Variants in NSD2 observed in about 807,000 individuals in gnomAD.
NSD2 encodes histone-lysine N-methyltransferase NSD2.
Under a neutral mutation model 139.0 loss-of-function variants are expected in NSD2, and 12 were observed. The ratio of observed to expected loss-of-function variants is 0.09; its 90% CI spans 0.06 to 0.14. The LOEUF (loss-of-function observed/expected upper bound fraction) is 0.14, where lower values mean the gene tolerates loss of function less well. NSD2 is among the 10% of genes least tolerant of loss of function. The pLI is 1.00. For missense variants in NSD2, 1,155 were observed against 1,745.0 expected, an observed-to-expected ratio of 0.66 and a Z score of 6.02; for synonymous variants, 669 against 648.7, an observed-to-expected ratio of 1.03 and a Z score of -0.48.
At chr4:1,931,000 C>T (rs145618296) in intron 6 of NSD2, among the ~76,000 whole-genome samples, 1 of 152,126 alleles carries the variant, frequency 6.6e-6, no homozygotes, top group East Asian at 1.9e-4. Context: ...GCCTGTGGCT[C>T]CCTTGCTCTC....
chr4:1,942,448 A>G lies in NSD2; in HGVS notation c.1881+2670A>G. On this transcript the variant is annotated intron_variant, in intron 9 of 21. Transcript: ENST00000508803. The surrounding 1 kb of genome is among the most constrained non-coding windows in gnomAD (Gnocchi z 4.0). The stretch of plus-strand genomic sequence containing the variant: ...GCTGCTGCAGGTGGCGTATCATCGT[A>G]CACACTCAGTGACATTTCTATCACA... 1 of 1,585,470 alleles carries G rather than the reference A, an allele frequency of 6.3e-7. No homozygotes were observed. Among genetic ancestry groups the G allele is most frequent in the Non-Finnish European group, 8.6e-7 (1 of 1,167,432 alleles).
At chr4:1,917,175 C>T in intron 4 of NSD2, 138 bp downstream of exon 4, 1 of 944,570 alleles carries the variant, frequency 1.1e-6, no homozygotes. Context: ...TTGACTTTTG[C>T]CCAAGGATGC....
At chr4:1,896,520 C>G (rs1449337458) in intron 1 of NSD2, among the ~76,000 whole-genome samples, 4 of 152,250 alleles carry the variant, frequency 2.6e-5, no homozygotes, top group African/African-American at 9.6e-5. Context: ...AGATGTGCGC[C>G]AGTGTGCCTG....
rs1726702894 is a variant in NSD2 at position 1,973,429 on chromosome 4, A to G, written c.3373-1434A>G. Among the ~76,000 whole-genome samples the G allele has an allele frequency of 6.6e-6, 1 of 152,356 alleles. No individual in the cohort carries two copies. Among genetic ancestry groups the G allele is most frequent in the East Asian group, 1.9e-4 (1 of 5,180 alleles). On this transcript the variant is annotated intron_variant, in intron 18 of 21. Transcript: ENST00000508803. This position sits in a 1 kb window ranked among gnomAD's most constrained non-coding sequence, Gnocchi z 5.5. ...CCAGGGCCCTGCAGAAGTGGTGTGC[A>G]TGCCAACGTGCACATCAGCACCGCG...
rs1203166315 is a variant in NSD2, at chr4:1,872,633, A to AGAGAGC, written c.-30+1094_-30+1095insAGCGAG. ...GAGAGAGAGAGAGAGAGAGAGAGAG[A>AGAGAGC]GAGCGCGCAGACCCTGTGAAGACAA... is the stretch of plus-strand genomic sequence containing the variant. On this transcript the variant is annotated intron_variant, in intron 1 of 21. Coordinates refer to ENST00000508803, the MANE Select transcript of NSD2 (RefSeq NM_001042424.3). Among the ~76,000 whole-genome samples the AGAGAGC allele has an allele frequency of 3.1e-5, 4 of 131,116 alleles. No individual in the cohort carries two copies. In the South Asian group the frequency reaches 7.7e-4, roughly 25 times the overall value. 86.0% of individuals were successfully genotyped at this position (131,116 alleles called of 152,430 possible).
chr4:1,933,680 C>T (rs1034388378), intron 6 of NSD2, among the ~76,000 whole-genome samples: 1 of 152,184 alleles, frequency 6.6e-6, no homozygotes, highest in Non-Finnish European at 1.5e-5. Context: ...AGGTGTGAGC[C>T]ACCGCGCCCG....
At chr4:1,906,654 C>CTCT (rs1717941964) in intron 3 of NSD2, among the ~76,000 whole-genome samples, 4 of 99,910 alleles carry the variant, frequency 4.0e-5, no homozygotes, top group South Asian at 3.5e-4. Context: ...CTCTCTCTCT[C>CTCT]TTTTTTTTTT....
chr4:1,976,492 A>T lies in NSD2; in HGVS notation c.3639A>T (p.Ser1213=), dbSNP rs367914017. The part of the protein sequence containing the change: ...GDRPKTSTTL[S]SEEKGKKTKK... ...GACTCTAGACCTCGACGACCCTTTC[A>T]TCAGAGGAAAAGGGCAAAAAGACCA... The change falls in exon 21 of 22, where the codon TCA becomes TCT. Residue 1213 remains serine, a synonymous_variant. Transcript: ENST00000508803. The surrounding 1 kb of genome is among the most constrained non-coding windows in gnomAD (Gnocchi z 5.3). 17 of 1,613,510 alleles carry T rather than the reference A, an allele frequency of 1.1e-5. No homozygotes were observed. In the African/African-American group the frequency reaches 1.1e-4, roughly 10 times the overall value.
At chr4:1,933,123 C>G (rs997733097) in intron 6 of NSD2, among the ~76,000 whole-genome samples, 19 of 152,202 alleles carry the variant, frequency 1.2e-4, no homozygotes, top group African/African-American at 4.6e-4. Flanking sequence ...CTTGCCTGGC[C>G]CCCATCACAC....
At chr4:1,939,442 G>A (rs1722845260) in intron 8 of NSD2, 2 of 586,190 alleles carry the variant, frequency 3.4e-6, no homozygotes, top group Non-Finnish European at 6.0e-6. Context: ...GATGTTTTTG[G>A]GGGCCAAGTA....
At chr4:1,949,997 G>A (rs1160337469) in intron 9 of NSD2, among the ~76,000 whole-genome samples, 1 of 152,142 alleles carries the variant, frequency 6.6e-6, no homozygotes, top group Non-Finnish European at 1.5e-5. Flanking sequence ...ACAGCAAGCC[G>A]ATAACATAAT....
intron 3 of NSD2, 147 bp downstream of exon 3, chr4:1,904,525 G>A (rs1278416207): frequency 8.6e-6 from 7 of 815,032 alleles, no homozygotes; most frequent in Non-Finnish European, 7.5e-6. Flanking sequence ...ATTCAAGTGT[G>A]ATGTGTTGCC....
intron 3 of NSD2, among the ~76,000 whole-genome samples, chr4:1,909,932 C>T (rs1404518480): frequency 1.3e-5 from 2 of 151,408 alleles, no homozygotes; most frequent in Non-Finnish European, 2.9e-5. Flanking sequence ...AGTCACCGCG[C>T]CCGGCACCCG....
intron 1 of NSD2, among the ~76,000 whole-genome samples, chr4:1,878,222 G>A (rs1188262782): frequency 7.1e-5 from 7 of 99,050 alleles, no homozygotes; most frequent in African/African-American, 2.5e-4. Flanking sequence ...CACCATGCCC[G>A]GCTGATATAT....
intron 9 of NSD2, chr4:1,943,908 A>G (rs1723360554): frequency 1.9e-6 from 2 of 1,063,912 alleles, no homozygotes; most frequent in African/African-American, 1.6e-5. Flanking sequence ...CAGCTAGCCC[A>G]TAACTGATAG....
chr4:1,952,720 G>A, intron 11 of NSD2: 7 of 1,075,950 alleles, frequency 6.5e-6, no homozygotes, highest in Non-Finnish European at 7.9e-6. Flanking sequence ...GGTTGTCAGT[G>A]CTGTTGTTCT....
In NSD2 at chr4:1,958,082, C is replaced by T. The variant is rs758808100; in HGVS notation, c.2985+46C>T. ...GCACGCGTGTGGAGGGAGTCTTCCC[C>T]GAGGGCCGTGAGAGGTTCTTAGGCA... is the stretch of plus-strand genomic sequence containing the variant. On this transcript the variant is annotated intron_variant, in intron 16 of 21. Coordinates refer to ENST00000508803, the MANE Select transcript of NSD2 (RefSeq NM_001042424.3). This position sits in a 1 kb window ranked among gnomAD's most constrained non-coding sequence, Gnocchi z 4.6. 19 of 1,585,508 alleles carry T rather than the reference C, an allele frequency of 1.2e-5. No individual in the cohort carries two copies. The highest frequency in any genetic ancestry group is 2.3e-5 in the East Asian group (1 of 44,434).
intron 7 of NSD2, 118 bp from the exon 8 acceptor site, chr4:1,938,331 CAT>C: frequency 1.2e-6 from 1 of 862,238 alleles, no homozygotes; most frequent in Non-Finnish European, 1.7e-6. Context: ...TGTTCATTCA[CAT>C]GAGGAGATTT....
intron 17 of NSD2, 22 bp downstream of exon 17, chr4:1,959,762 C>G (rs373078642): frequency 5.0e-6 from 8 of 1,603,320 alleles, no homozygotes; most frequent in Middle Eastern, 1.7e-4. Context: ...TATCCCCTCC[C>G]CTGCTTTTGA....
Sources: gnomAD v4.1 joint callset for allele counts (sites outside exome capture counted in the v4.1 genomes callset) on GRCh38, gnomAD v4.1.1 for gene constraint, Gnocchi (gnomAD v3.1) non-coding constraint, MANE v1.5 for transcripts, NCBI Gene and HGNC (gene_info 2026-07-23, HGNC 2026-07-21) for gene names.